ACY1: variants seen among roughly 807,000 people sequenced by gnomAD.
The protein encoded by ACY1 is aminoacylase-1.
A neutral mutation model predicts 53.3 loss-of-function variants in ACY1; 38 were observed. The observed-to-expected ratio is 0.71, with a 90% confidence interval of 0.55 to 0.93. The LOEUF (loss-of-function observed/expected upper bound fraction) is 0.93, where lower values mean the gene tolerates loss of function less well. Ranked by LOEUF, ACY1 falls within the 40% of genes least tolerant of loss-of-function variation. The pLI is 0.00. For missense variants in ACY1, 484 were observed against 540.9 expected, an observed-to-expected ratio of 0.89 and a Z score of 1.04; for synonymous variants, 177 against 202.1, an observed-to-expected ratio of 0.88 and a Z score of 1.05.
At chr3:51,984,179 G>C in intron 2 of ACY1, 21 bp downstream of exon 2, 1 of 1,611,750 alleles carries the variant, frequency 6.2e-7, no homozygotes, top group Non-Finnish European at 8.5e-7. Flanking sequence ...GGTGGTTCCA[G>C]AGCCTGTGAC....
At position 51,985,463 on chromosome 3, in the gene ACY1, A is replaced by C; in HGVS notation, c.262A>C (p.Lys88Gln). The change falls in exon 4 of 15, where the codon AAG becomes CAG. Residue 88 changes from lysine to glutamine, a missense_variant and splice_region_variant. By Grantham distance (53) the Lys-to-Gln change is moderately conservative (BLOSUM62 1). Coordinates refer to ENST00000636358, the MANE Select transcript of ACY1 (RefSeq NM_000666.3). ...CCACACGGATGTGGTGCCTGTCTTCAAGGTGTGTAAGGGGCTGGGGAGGTG... is the reference window on the plus strand; with the variant it reads ...CCACACGGATGTGGTGCCTGTCTTCCAGGTGTGTAAGGGGCTGGGGAGGTG... ...NSHTDVVPVF[K>Q]EHWSHDPFEA... is the part of the protein sequence containing the mutation. The C allele has an allele frequency of 1.2e-6, 2 of 1,613,864 alleles. No homozygotes were observed. Among genetic ancestry groups the C allele is most frequent in the Middle Eastern group, 1.7e-4 (1 of 6,060 alleles).
In ACY1 at chr3:51,985,905, C is replaced by T. The variant is rs1701038338; in HGVS notation, c.318C>T (p.Ile106=). ...FEAFKDSEGY[I]YARGAQDMKC... ...CCTTCAAGGATTCTGAGGGCTACAT[C>T]TATGCCAGGGGTGCCCAGGACATGA... Residue 106 remains isoleucine (I), a synonymous_variant, in exon 5 of 15, where the codon ATC becomes ATT. Transcript: ENST00000636358. The T allele has an allele frequency of 6.2e-7, 1 of 1,613,496 alleles. No homozygotes were observed. The highest frequency in any genetic ancestry group is 2.2e-5 in the East Asian group (1 of 44,874).
chr3:51,985,741 C>A, intron 4 of ACY1, 111 bp from the exon 5 acceptor site: 1 of 954,936 alleles, frequency 1.0e-6, no homozygotes, highest in Non-Finnish European at 1.7e-6. Flanking sequence ...CCCACCACTC[C>A]ACCTGTCACT....
rs146715684 is a variant in ACY1, at chr3:51,988,778, G to C, written c.1014G>C (p.Leu338=). The C allele has an allele frequency of 6.2e-7, 1 of 1,614,098 alleles. No homozygotes were observed. Among genetic ancestry groups the C allele is most frequent in the East Asian group, 2.2e-5 (1 of 44,878 alleles). The part of the protein sequence containing the change: ...SRVCKDMNLT[L]EPEIMPAATD... ...CTTTCTCCTACAGGAACCTCACTCT[G>C]GAGCCTGAGATCATGCCTGCTGCCA... is the stretch of plus-strand genomic sequence containing the variant. Residue 338 remains leucine, a synonymous_variant, in exon 14 of 15, where the codon CTG becomes CTC. Transcript: ENST00000636358.
At chr3:51,986,164 C>T in intron 5 of ACY1, 91 bp from the exon 6 acceptor site, 1 of 1,377,352 alleles carries the variant, frequency 7.3e-7, no homozygotes, top group Non-Finnish European at 1.0e-6. Flanking sequence ...GGGTAAAGTC[C>T]AGGACACAGG....
intron 12 of ACY1, chr3:51,988,309 C>T: frequency 1.6e-6 from 1 of 632,028 alleles, no homozygotes; most frequent in Non-Finnish European, 2.9e-6. Flanking sequence ...GAAGGATGGA[C>T]AGGAGGTAAG....
Position 51,984,039 on chromosome 3 carries a change from G to T in ACY1, c.-18-8G>T. The T allele has an allele frequency of 6.2e-7, 1 of 1,605,632 alleles. No homozygotes were observed. ...GGAGGGGTAGTTAGCCATTCACTTT[G>T]CCCCCAGCTCACCACGCGCAGCGCC... On this transcript the variant is annotated splice_polypyrimidine_tract_variant and splice_region_variant and intron_variant, in intron 1 of 14. Coordinates refer to ENST00000636358, the MANE Select transcript of ACY1 (RefSeq NM_000666.3).
chr3:51,983,947 C>G (rs1476728396), intron 1 of ACY1, 100 bp from the exon 2 acceptor site: 5 of 839,592 alleles, frequency 6.0e-6, no homozygotes, highest in East Asian at 2.5e-5. Context: ...TATCCTACCC[C>G]TGTGGGAAGT....
At chr3:51,983,782 T>C (rs966070117) in intron 1 of ACY1, among the ~76,000 whole-genome samples, 193 bp downstream of exon 1, 2 of 151,976 alleles carry the variant, frequency 1.3e-5, no homozygotes, top group African/African-American at 4.8e-5. Flanking sequence ...CTTGAACCTC[T>C]CTGAGCCTCT....
At chr3:51,988,218 A>G in intron 12 of ACY1, 1 of 494,846 alleles carries the variant, frequency 2.0e-6, no homozygotes. Flanking sequence ...TTGCACTCTG[A>G]AAACCTGTAA....
chr3:51,988,421 G>C lies in ACY1; in HGVS notation c.922-103G>C, dbSNP rs892615778. The stretch of plus-strand genomic sequence containing the variant: ...CAGATGTCTGGGTAGGTGAAGGAGT[G>C]GGGGTGGGGAGGTGTTATGTACTAG... On this transcript the variant is annotated intron_variant, in intron 12 of 14. Transcript: ENST00000636358. 1.5e-5 allele frequency: 15 copies of C among 992,012 alleles called. No individual in the cohort carries two copies. In the East Asian group the frequency reaches 2.7e-4, roughly 18 times the overall value. The allele number at this position is 992,012 out of a possible 1,614,324, so 61.5% of individuals were successfully genotyped here. A position where few individuals can be genotyped will look rare whatever the true frequency, so the allele number is the denominator to read the frequency against.
In ACY1 at chr3:51,985,385, G is replaced by C. The variant is rs202206383; in HGVS notation, c.184G>C (p.Val62Leu). 1.7e-5 allele frequency: 28 copies of C among 1,614,098 alleles called. 4 individuals carry two copies. Among genetic ancestry groups the C allele is most frequent in the Admixed American group, 6.7e-5 (4 of 60,010 alleles). ...GGTGGCACCTGGCTATGTGGTGACC[G>C]TGTTGACCTGGCCAGGCACCAACCC... ...VEVAPGYVVT[V>L]LTWPGTNPTL... The change falls in exon 4 of 15, where the codon GTG becomes CTG. Residue 62 changes from valine to leucine, a missense_variant. Transcript: ENST00000636358.
chr3:51,989,076 G>A lies in ACY1; in HGVS notation c.*1G>A. The A allele has an allele frequency of 1.9e-6, 3 of 1,613,400 alleles. No homozygotes were observed. The highest frequency in any genetic ancestry group is 2.5e-6 in the Non-Finnish European group (3 of 1,180,026). On this transcript the variant is annotated 3_prime_UTR_variant, in exon 15 of 15. Coordinates refer to ENST00000636358, the MANE Select transcript of ACY1 (RefSeq NM_000666.3). ...GCCTGCCCTGCCCAGTGACAGCTGA[G>A]CCCTGGAACTCCTAAACCTTTGCCC...
In ACY1 at chr3:51,987,555, G is replaced by A. The variant is rs1701118967; in HGVS notation, c.853-1G>A. 1 of 1,614,142 alleles carries A rather than the reference G, an allele frequency of 6.2e-7. No individual in the cohort carries two copies. The highest frequency in any genetic ancestry group is 8.5e-7 in the Non-Finnish European group (1 of 1,180,000). The stretch of plus-strand genomic sequence containing the variant: ...GGATCAGCTCGTCTCCCTTCTCTTA[G>A]GCTTTTGAGGAGCAGCTGCAGAGCT... On this transcript the variant is annotated splice_acceptor_variant, in intron 11 of 14. Transcript: ENST00000636358. LOFTEE classifies it high-confidence loss of function.
intron 12 of ACY1, chr3:51,987,904 C>CTCCG: frequency 4.9e-6 from 2 of 411,164 alleles, no homozygotes; most frequent in Non-Finnish European, 9.0e-6. Context: ...GAGAATCTCA[C>CTCCG]TCCGTCACCC....
chr3:51,987,713 A>C (rs1366208995), intron 12 of ACY1, 89 bp downstream of exon 12: 1 of 1,357,578 alleles, frequency 7.4e-7, no homozygotes, highest in Non-Finnish European at 1.0e-6. Flanking sequence ...GTGTGTCTGC[A>C]TATGTCTGGG....
At chr3:51,986,157 T>A (rs982736930) in intron 5 of ACY1, 98 bp from the exon 6 acceptor site, 2 of 1,298,756 alleles carry the variant, frequency 1.5e-6, no homozygotes, top group African/African-American at 2.9e-5. Flanking sequence ...TGTGGCAGGG[T>A]AAAGTCCAGG....
rs1344569795 is a variant in ACY1, at chr3:51,986,487, G to A, written c.509G>A (p.Gly170Asp). 6.2e-7 allele frequency: 1 copy of A among 1,614,054 alleles called. No homozygotes were observed. The highest frequency in any genetic ancestry group is 1.7e-5 in the Admixed American group (1 of 60,026). ...CCTGAGTTCCACGCCCTGAGGGCAG[G>A]CTTTGCCCTGGATGAGGGTGAGCAG... ...QRPEFHALRAGFALDEGIANP... is the reference protein window; with the variant it reads ...QRPEFHALRADFALDEGIANP... Residue 170 changes from glycine to aspartate, a missense_variant, in exon 7 of 15, where the codon GGC (glycine) becomes GAC (aspartate). Gly to Asp is a moderately conservative substitution (Grantham distance 94). Transcript: ENST00000636358.
In ACY1 at chr3:51,988,506, A is replaced by C; in HGVS notation, c.922-18A>C. ...CCCAGGCCCATGTCCTGATCCTGCC[A>C]TTCTTCCTGTCCCTCAGAAGTGGAT... On this transcript the variant is annotated intron_variant, in intron 12 of 14. Transcript: ENST00000636358. 6.2e-7 allele frequency: 1 copy of C among 1,612,744 alleles called. No individual in the cohort carries two copies.
Sources: allele counts gnomAD v4.1 joint callset (sites outside exome capture counted in the v4.1 genomes callset), GRCh38; gene constraint gnomAD v4.1.1; transcripts MANE v1.5; gene names NCBI Gene and HGNC (gene_info 2026-07-23, HGNC 2026-07-21).